SERGEF: variants seen among roughly 807,000 people sequenced by gnomAD.
The protein encoded by SERGEF is secretion-regulating guanine nucleotide exchange factor.
Under a neutral mutation model 50.0 loss-of-function variants are expected in SERGEF, and 51 were observed. That is an observed-to-expected ratio of 1.02 (90% confidence interval 0.81 to 1.29). SERGEF has a LOEUF of 1.29. Ranked by LOEUF, SERGEF falls within the 50% of genes most tolerant of loss-of-function variation. SERGEF has a pLI of 0.00. For synonymous variants in SERGEF, 205 were observed against 212.4 expected (o/e 0.97, Z 0.30); for missense variants, 521 against 557.0 (o/e 0.94, Z 0.65).
At chr11:17,873,296 G>A (rs1340578133) in intron 10 of SERGEF, among the ~76,000 whole-genome samples, 1 of 152,126 alleles carries the variant, frequency 6.6e-6, no homozygotes, top group Non-Finnish European at 1.5e-5. Context: ...ATTAACCAGA[G>A]TACCAGCTCA....
intron 10 of SERGEF, among the ~76,000 whole-genome samples, chr11:17,875,890 A>G (rs1226612909): frequency 1.3e-5 from 2 of 152,244 alleles, no homozygotes; most frequent in African/African-American, 4.8e-5. Context: ...CTGAAGGGCT[A>G]GAGTTCAGGG....
intron 9 of SERGEF, among the ~76,000 whole-genome samples, chr11:17,937,700 C>G (rs996609674): frequency 6.6e-6 from 1 of 151,960 alleles, no homozygotes; most frequent in Non-Finnish European, 1.5e-5. Flanking sequence ...AATTCCTGTC[C>G]TACCTACCTC....
chr11:17,969,062 T>C (rs1853190962), intron 8 of SERGEF, among the ~76,000 whole-genome samples: 2 of 152,234 alleles, frequency 1.3e-5, no homozygotes, highest in African/African-American at 4.8e-5. Flanking sequence ...TAAATGCACT[T>C]TGTAAACTCT....
At chr11:17,948,485 C>A (rs550296355) in intron 9 of SERGEF, among the ~76,000 whole-genome samples, 3 of 152,146 alleles carry the variant, frequency 2.0e-5, no homozygotes, top group South Asian at 2.1e-4. Context: ...ATGCTCCCCA[C>A]GTAATTAATA....
intron 6 of SERGEF, among the ~76,000 whole-genome samples, chr11:17,994,420 G>A (rs1853788953): frequency 7.0e-6 from 1 of 141,852 alleles, no homozygotes; most frequent in South Asian, 2.3e-4. Context: ...ACCTAGCAGT[G>A]AGCTGAGATC....
At chr11:17,807,333 C>T (rs997985528) in intron 10 of SERGEF, among the ~76,000 whole-genome samples, 5 of 64,080 alleles carry the variant, frequency 7.8e-5, no homozygotes, top group Non-Finnish European at 2.3e-4. Context: ...AGAACTCCCC[C>T]CCCACAAAAA....
chr11:17,919,176 G>A (rs1852108585), intron 9 of SERGEF, among the ~76,000 whole-genome samples: 1 of 152,178 alleles, frequency 6.6e-6, no homozygotes, highest in Non-Finnish European at 1.5e-5. Context: ...ATGACTTTGA[G>A]CATTAGTAAA....
intron 10 of SERGEF, among the ~76,000 whole-genome samples, chr11:17,830,272 A>C (rs1850269293): frequency 6.6e-6 from 1 of 152,218 alleles, no homozygotes; most frequent in Non-Finnish European, 1.5e-5. Context: ...GATTGAATGC[A>C]TGAAGTAGGG....
chr11:17,947,905 A>G (rs1852695726), intron 9 of SERGEF, among the ~76,000 whole-genome samples: 1 of 151,828 alleles, frequency 6.6e-6, no homozygotes, highest in South Asian at 2.1e-4. Flanking sequence ...AGGAACTAAC[A>G]TTATTATTAC....
chr11:17,880,257 C>A (rs1474088316), intron 9 of SERGEF, among the ~76,000 whole-genome samples: 1 of 152,170 alleles, frequency 6.6e-6, no homozygotes, highest in East Asian at 1.9e-4. Context: ...TGAGGGCTCC[C>A]ACTATGCCTC....
chr11:17,799,927 G>A (rs1849635737), intron 10 of SERGEF, among the ~76,000 whole-genome samples: 1 of 152,216 alleles, frequency 6.6e-6, no homozygotes, highest in South Asian at 2.1e-4. Context: ...CCATCCCACA[G>A]TGACAGCACA....
At chr11:17,827,548 G>T (rs909458329) in intron 10 of SERGEF, among the ~76,000 whole-genome samples, 2 of 152,200 alleles carry the variant, frequency 1.3e-5, no homozygotes, top group East Asian at 1.9e-4. Context: ...GGTAAGACTT[G>T]TAACAGTTCT....
intron 10 of SERGEF, among the ~76,000 whole-genome samples, chr11:17,810,367 G>A (rs1304209095): frequency 6.6e-6 from 1 of 152,182 alleles, no homozygotes; most frequent in African/African-American, 2.4e-5. Context: ...CTTATCCTGG[G>A]CTAATCCAAA....
chr11:17,886,808 T>G (rs985925951), intron 9 of SERGEF, among the ~76,000 whole-genome samples: 4 of 152,146 alleles, frequency 2.6e-5, no homozygotes, highest in Admixed American at 2.6e-4. Flanking sequence ...GCTTTTCCCA[T>G]AGTGCCCTTC....
intron 9 of SERGEF, among the ~76,000 whole-genome samples, chr11:17,922,277 G>C (rs1852172498): frequency 6.6e-6 from 1 of 152,186 alleles, no homozygotes; most frequent in African/African-American, 2.4e-5. Context: ...CTGGCAGTGA[G>C]ACAGATCACA....
intron 9 of SERGEF, among the ~76,000 whole-genome samples, chr11:17,933,782 T>C (rs917107498): frequency 1.3e-5 from 2 of 151,440 alleles, no homozygotes; most frequent in Admixed American, 6.6e-5. Flanking sequence ...AACTGGAAAA[T>C]AGTTCTCAGT....
intron 9 of SERGEF, among the ~76,000 whole-genome samples, chr11:17,922,366 C>T (rs1055070413): frequency 2.6e-5 from 4 of 152,156 alleles, no homozygotes; most frequent in Non-Finnish European, 5.9e-5. Context: ...AGACAAGGGT[C>T]TTTCAGAGAT....
chr11:17,920,269 C>A (rs1235526318), intron 9 of SERGEF, among the ~76,000 whole-genome samples: 2 of 152,050 alleles, frequency 1.3e-5, no homozygotes, highest in African/African-American at 4.8e-5. Flanking sequence ...ACAAACAAAA[C>A]AGCAACTCAC....
Position 17,959,540 on chromosome 11 carries a change from G to C in SERGEF, c.941C>G (p.Ser314Ter), listed in dbSNP as rs142284141. ...CGGTGGTCTTGAACAGGGGAGAAAT[G>C]AATCTTGCTTTTCTAGTTTCCAGCC... ...YEGWKLEKQD[S>*]FLPCSRPPNS... Residue 314 changes from serine to a stop codon, truncating the protein, a stop_gained, in exon 9 of 11, where the codon TCA becomes TGA. Transcript: ENST00000265965. LOFTEE classifies it high-confidence loss of function. The C allele has an allele frequency of 1.2e-6, 2 of 1,614,082 alleles. No individual in the cohort carries two copies. Among genetic ancestry groups the C allele is most frequent in the Non-Finnish European group, 1.7e-6 (2 of 1,179,960 alleles).
Sources: gnomAD v4.1 joint callset for allele counts (sites outside exome capture counted in the v4.1 genomes callset) on GRCh38, gnomAD v4.1.1 for gene constraint, MANE v1.5 for transcripts, NCBI Gene and HGNC (gene_info 2026-07-23, HGNC 2026-07-21) for gene names.